The following LSAMP variants were observed in gnomAD, a reference collection of about 807,000 sequenced individuals.
LSAMP encodes limbic system-associated membrane protein.
A neutral mutation model predicts 38.6 loss-of-function variants in LSAMP; 7 were observed. The observed-to-expected ratio is 0.18, with a 90% CI of 0.10 to 0.34. LSAMP has a LOEUF of 0.34. Among genes scored for constraint, LSAMP ranks in the 10% least tolerant of loss-of-function variants. The pLI is 1.00. For synonymous variants in LSAMP, 154 were observed against 166.8 expected, an observed-to-expected ratio of 0.92 and a Z score of 0.59; for missense variants, 313 against 420.0, an observed-to-expected ratio of 0.75 and a Z score of 2.23.
chr3:116,043,668 G>A (rs1006511337), intron 2 of LSAMP, among the ~76,000 whole-genome samples: 7 of 152,100 alleles, frequency 4.6e-5, no homozygotes, highest in African/African-American at 1.2e-4. Context: ...TATTCTTGCC[G>A]GGCGCGGTGG....
At chr3:116,161,118 C>T (rs778359264) in intron 1 of LSAMP, among the ~76,000 whole-genome samples, 8 of 152,126 alleles carry the variant, frequency 5.3e-5, no homozygotes, top group Non-Finnish European at 1.2e-4. Flanking sequence ...TCACATGTGG[C>T]TAGTGGCTGC....
intron 1 of LSAMP, among the ~76,000 whole-genome samples, chr3:116,186,722 T>C (rs1174328258): frequency 6.6e-6 from 1 of 152,152 alleles, no homozygotes; most frequent in Non-Finnish European, 1.5e-5. Context: ...TCTTTCTCTT[T>C]ACTTGCAGAA....
At position 116,400,467 on chromosome 3, in the gene LSAMP, C is replaced by T. The variant is rs185209640; in HGVS notation, c.155+44410G>A. 2.7e-3 allele frequency among the ~76,000 whole-genome samples: 394 copies of T among 145,542 alleles called. 2 individuals are homozygous for T. The highest frequency in any genetic ancestry group is 9.5e-3 in the African/African-American group (374 of 39,440). On this transcript the variant is annotated intron_variant, in intron 1 of 6. Coordinates refer to ENST00000490035, the MANE Select transcript of LSAMP (RefSeq NM_002338.5). ...CCTTCCTTCCTTCCTTCCCTCCTTC[C>T]TTCCTTTTCTTTCTTTTCTTTCTTT... is the stretch of plus-strand genomic sequence containing the variant.
chr3:116,107,688 G>A (rs955682381), intron 1 of LSAMP, among the ~76,000 whole-genome samples: 11 of 152,278 alleles, frequency 7.2e-5, no homozygotes, highest in East Asian at 1.9e-4. Context: ...GAAGCCTTGC[G>A]GCAGTACAGC....
chr3:115,827,336 CTTTTT>C (rs10712971), intron 6 of LSAMP, among the ~76,000 whole-genome samples: 1 of 136,854 alleles, frequency 7.3e-6, no homozygotes, highest in Non-Finnish European at 1.6e-5. Context: ...TTTTCTACTG[CTTTTT>C]TTTTTTTTTT....
At chr3:116,002,534 A>AG (rs1940028235) in intron 3 of LSAMP, among the ~76,000 whole-genome samples, 1 of 152,086 alleles carries the variant, frequency 6.6e-6, no homozygotes, top group Non-Finnish European at 1.5e-5. Flanking sequence ...CTGGAGGAGC[A>AG]GGAAAGCATC....
chr3:116,445,089 C>T lies in LSAMP; in HGVS notation c.-58G>A. On this transcript the variant is annotated 5_prime_UTR_variant, in exon 1 of 7. Transcript: ENST00000490035. ...GCTCTGGAGGGGTGCGCGCTGCTCG[C>T]GAGGAGAGGCTTCACCAACACGGGG... 1 of 1,536,442 alleles carries T rather than the reference C, an allele frequency of 6.5e-7. No individual in the cohort carries two copies.
intron 1 of LSAMP, among the ~76,000 whole-genome samples, chr3:116,431,900 T>G (rs1337994420): frequency 6.6e-6 from 1 of 152,048 alleles, no homozygotes; most frequent in Non-Finnish European, 1.5e-5. Flanking sequence ...AATACAGTTA[T>G]TTTTCCTTCA....
intron 3 of LSAMP, among the ~76,000 whole-genome samples, chr3:115,881,625 A>G (rs1439908641): frequency 1.3e-5 from 2 of 152,102 alleles, no homozygotes; most frequent in Non-Finnish European, 2.9e-5. Flanking sequence ...GTTTATATTC[A>G]CTTGCTACTT....
In LSAMP at chr3:115,805,253, T is replaced by C. The variant is rs1248740953; in HGVS notation, c.*5064A>G. ...ATCCTGAAAGACCAAAGAGGTGACTTGAGCAGGATATAAACCTTGAACTGT... is the reference window on the plus strand; with the variant it reads ...ATCCTGAAAGACCAAAGAGGTGACTCGAGCAGGATATAAACCTTGAACTGT... On this transcript the variant is annotated 3_prime_UTR_variant, in exon 7 of 7. Transcript: ENST00000490035. 1.3e-5 allele frequency: 2 copies of C among 152,190 alleles called. No homozygotes were observed. The highest frequency in any genetic ancestry group is 2.9e-5 in the Non-Finnish European group (2 of 68,030). 9.4% of individuals were successfully genotyped at this position (152,190 alleles called of 1,614,324 possible). A position where few individuals can be genotyped will look rare whatever the true frequency, so the allele number is the denominator to read the frequency against.
At chr3:115,861,158 C>T (rs377064909) in intron 3 of LSAMP, among the ~76,000 whole-genome samples, 23 of 94,758 alleles carry the variant, frequency 2.4e-4, no homozygotes, top group African/African-American at 1.2e-3. Context: ...TCCTTCCTTC[C>T]TTCCTTCCTT....
At chr3:116,382,901 A>G (rs987708571) in intron 1 of LSAMP, among the ~76,000 whole-genome samples, 1 of 152,090 alleles carries the variant, frequency 6.6e-6, no homozygotes, top group Non-Finnish European at 1.5e-5. Context: ...GTAAACACAC[A>G]CAGAAGAACA....
intron 1 of LSAMP, among the ~76,000 whole-genome samples, chr3:116,281,800 G>A (rs2047130657): frequency 6.6e-6 from 1 of 152,106 alleles, no homozygotes; most frequent in South Asian, 2.1e-4. Flanking sequence ...CACATTTAAA[G>A]TTTCTGTGGC....
At chr3:116,075,337 T>G (rs1303143056) in intron 2 of LSAMP, among the ~76,000 whole-genome samples, 1 of 150,946 alleles carries the variant, frequency 6.6e-6, no homozygotes, top group African/African-American at 2.4e-5. Flanking sequence ...AGGGTTTCAC[T>G]ATGTTGGCCA....
chr3:115,872,942 ATATG>A (rs1360946481), intron 3 of LSAMP, among the ~76,000 whole-genome samples: 1 of 151,972 alleles, frequency 6.6e-6, no homozygotes, highest in African/African-American at 2.4e-5. Context: ...GAAGTATAAC[ATATG>A]TATGAAACAT....
intron 1 of LSAMP, among the ~76,000 whole-genome samples, chr3:116,318,769 G>T (rs965586602): frequency 4.6e-5 from 7 of 152,156 alleles, no homozygotes; most frequent in Non-Finnish European, 2.9e-5. Context: ...TATTTTCTCT[G>T]AAAGTAGAAG....
intron 1 of LSAMP, among the ~76,000 whole-genome samples, chr3:116,188,754 A>G (rs1710684112): frequency 6.6e-6 from 1 of 152,128 alleles, no homozygotes; most frequent in Non-Finnish European, 1.5e-5. Context: ...GGAATGGGGG[A>G]ATTCAAAAGT....
chr3:116,240,249 AGATCT>A (rs1174636193), intron 1 of LSAMP, among the ~76,000 whole-genome samples: 1 of 152,200 alleles, frequency 6.6e-6, no homozygotes, highest in African/African-American at 2.4e-5. Context: ...GCTATTTATG[AGATCT>A]ATGAAGGCAA....
intron 2 of LSAMP, among the ~76,000 whole-genome samples, chr3:116,032,043 A>C (rs1940939189): frequency 6.6e-6 from 1 of 152,152 alleles, no homozygotes; most frequent in African/African-American, 2.4e-5. Context: ...AATGTCATTC[A>C]TGCAGGGTTT....
Sources: allele counts gnomAD v4.1 joint callset (sites outside exome capture counted in the v4.1 genomes callset), GRCh38; gene constraint gnomAD v4.1.1; transcripts MANE v1.5; gene names NCBI Gene and HGNC (gene_info 2026-07-23, HGNC 2026-07-21).